The following MTHFD2L variants were observed in gnomAD, a reference collection of about 807,000 sequenced individuals.
The protein encoded by MTHFD2L is methylenetetrahydrofolate dehydrogenase (NADP+ dependent) 2 like.
Under a neutral mutation model 34.9 loss-of-function variants are expected in MTHFD2L, and 29 were observed. That is an observed-to-expected ratio of 0.83 (90% confidence interval 0.62 to 1.13). MTHFD2L has a LOEUF of 1.13. MTHFD2L is among the 50% of genes most tolerant of loss of function. MTHFD2L has a pLI of 0.00. For missense variants in MTHFD2L, 481 were observed against 446.5 expected, an observed-to-expected ratio of 1.08 and a Z score of -0.70; for synonymous variants, 167 against 155.7, an observed-to-expected ratio of 1.07 and a Z score of -0.54.
rs114226953 is a variant in MTHFD2L at position 74,287,964 on chromosome 4, G to A, written c.931+6414G>A. On this transcript the variant is annotated intron_variant, in intron 7 of 7. Transcript: ENST00000325278. ...TGGAGGCTGGAAGTCCAGGATCAGG[G>A]GATTGATAAGGATGTTTCTGCTGAG... Among the ~76,000 whole-genome samples, 870 of 152,272 alleles carry A rather than the reference G, an allele frequency of 5.7e-3. 7 individuals carry two copies. Among genetic ancestry groups the A allele is most frequent in the African/African-American group, 0.02 (833 of 41,546 alleles).
intron 1 of MTHFD2L, 27 bp downstream of exon 1, chr4:74,158,308 G>A (rs1253754789): frequency 4.0e-6 from 5 of 1,252,674 alleles, no homozygotes; most frequent in Non-Finnish European, 5.0e-6. Flanking sequence ...CGCCGGGTGC[G>A]GAGCCGCTGG....
intron 6 of MTHFD2L, among the ~76,000 whole-genome samples, chr4:74,240,070 C>G (rs1306095669): frequency 2.0e-5 from 3 of 152,096 alleles, no homozygotes; most frequent in Non-Finnish European, 2.9e-5. Context: ...ATACCACCCC[C>G]AAATTTACTT....
chr4:74,120,421 A>G (rs1404023802), upstream of MTHFD2L, among the ~76,000 whole-genome samples: 2 of 152,242 alleles, frequency 1.3e-5, no homozygotes, highest in African/African-American at 4.8e-5. Context: ...AACTAATACC[A>G]TAGCTGCAGA....
At chr4:74,220,680 C>A (rs1390857950) in intron 5 of MTHFD2L, among the ~76,000 whole-genome samples, 1 of 151,480 alleles carries the variant, frequency 6.6e-6, no homozygotes, top group African/African-American at 2.4e-5. Flanking sequence ...AGTATTTTAT[C>A]TTTTGTACTG....
chr4:74,190,453 T>G, intron 3 of MTHFD2L: 2 of 985,304 alleles, frequency 2.0e-6, no homozygotes, highest in Middle Eastern at 5.2e-4. Flanking sequence ...TGGGGCAGTT[T>G]TCGTGGCTGT....
intron 7 of MTHFD2L, among the ~76,000 whole-genome samples, chr4:74,289,866 G>A (rs1748657261): frequency 6.6e-6 from 1 of 152,146 alleles, no homozygotes; most frequent in Non-Finnish European, 1.5e-5. Flanking sequence ...CTCTTGAGAT[G>A]AATCTTAAAG....
At chr4:74,244,412 G>A (rs75297636) in intron 6 of MTHFD2L, among the ~76,000 whole-genome samples, 1 of 152,176 alleles carries the variant, frequency 6.6e-6, no homozygotes, top group Non-Finnish European at 1.5e-5. Flanking sequence ...AGTCACCCAG[G>A]TGAGTTTTAG....
chr4:74,235,729 C>T (rs945548664), intron 6 of MTHFD2L, among the ~76,000 whole-genome samples: 2 of 152,076 alleles, frequency 1.3e-5, no homozygotes, highest in African/African-American at 4.8e-5. Flanking sequence ...CTTCTGTATA[C>T]CTAGTGCCAA....
chr4:74,293,620 G>C, intron 7 of MTHFD2L: 1 of 620,732 alleles, frequency 1.6e-6, no homozygotes, highest in Non-Finnish European at 2.0e-6. Context: ...TGCCTTCCAA[G>C]TTCAATGGCA....
At chr4:74,221,315 AAGT>A (rs1738144059) in intron 5 of MTHFD2L, among the ~76,000 whole-genome samples, 3 of 151,774 alleles carry the variant, frequency 2.0e-5, no homozygotes, top group African/African-American at 4.8e-5. Context: ...AACATTAGTT[AAGT>A]TATTGACATT....
chr4:74,152,136 A>G (rs1220736865), intron 1 of MTHFD2L, among the ~76,000 whole-genome samples: 1 of 152,024 alleles, frequency 6.6e-6, no homozygotes, highest in Non-Finnish European at 1.5e-5. Flanking sequence ...ATATCCTAAT[A>G]ATTACATTTA....
intron 5 of MTHFD2L, among the ~76,000 whole-genome samples, chr4:74,217,582 A>G (rs1578503849): frequency 6.6e-6 from 1 of 151,898 alleles, no homozygotes; most frequent in East Asian, 1.9e-4. Context: ...GTATCCCGAG[A>G]AAGTGACAAA....
intron 7 of MTHFD2L, among the ~76,000 whole-genome samples, chr4:74,289,037 G>A (rs1429548052): frequency 6.6e-6 from 1 of 152,086 alleles, no homozygotes; most frequent in East Asian, 1.9e-4. Context: ...CAATGCTATT[G>A]AGCATCTGCT....
At chr4:74,157,951 ACT>A, upstream of MTHFD2L, 1 of 911,398 alleles carries the variant, frequency 1.1e-6, no homozygotes, top group Non-Finnish European at 1.7e-6. Context: ...CGGACCCGGC[ACT>A]CTGTCAGTTC....
intron 6 of MTHFD2L, among the ~76,000 whole-genome samples, chr4:74,233,731 G>C (rs1182332171): frequency 1.3e-5 from 2 of 151,942 alleles, no homozygotes; most frequent in Non-Finnish European, 2.9e-5. Context: ...ATTTTTCCAA[G>C]ATCGATCACC....
chr4:74,181,009 T>A (rs986872455), intron 3 of MTHFD2L: 2 of 154,656 alleles, frequency 1.3e-5, no homozygotes, highest in East Asian at 3.8e-4. Context: ...TATGTATCTT[T>A]GTATAGAGTA....
At chr4:74,168,006 C>G (rs116171788) in intron 1 of MTHFD2L, among the ~76,000 whole-genome samples, 3,725 of 151,824 alleles carry the variant, frequency 0.025, 135 homozygotes, top group African/African-American at 0.081. Flanking sequence ...CCATGGCTAC[C>G]CCTTTGCCTA....
chr4:74,287,252 A>C (rs1290610518), intron 7 of MTHFD2L, among the ~76,000 whole-genome samples: 1 of 152,160 alleles, frequency 6.6e-6, no homozygotes, highest in African/African-American at 2.4e-5. Context: ...AATATATGTG[A>C]CTTATGCACT....
chr4:74,121,982 A>G (rs1721788258), upstream of MTHFD2L, among the ~76,000 whole-genome samples: 1 of 152,104 alleles, frequency 6.6e-6, no homozygotes, highest in Non-Finnish European at 1.5e-5. Context: ...TTGGACTTCC[A>G]GCCTCTAGAA....
Sources: allele counts gnomAD v4.1 joint callset (sites outside exome capture counted in the v4.1 genomes callset), GRCh38; gene constraint gnomAD v4.1.1; transcripts MANE v1.5; gene names NCBI Gene and HGNC (gene_info 2026-07-23, HGNC 2026-07-21).